The following HMGB1 variants were observed in gnomAD, a reference collection of about 807,000 sequenced individuals.
HMGB1 encodes the protein high mobility group protein B1.
For missense variants in HMGB1, 79 were observed against 253.5 expected, an observed-to-expected ratio of 0.31 and a Z score of 4.67; for synonymous variants, 81 against 84.0, an observed-to-expected ratio of 0.96 and a Z score of 0.19.
chr13:30,462,243 T>C (rs1593253553), intron 4 of HMGB1: 2 of 413,612 alleles, frequency 4.8e-6, no homozygotes, highest in East Asian at 1.1e-4. Context: ...GCCAAGCCAT[T>C]TGAAAATGCT....
rs528140441 is a variant in HMGB1 at position 30,541,231 on chromosome 13, T to C, written c.-15+75440A>G. Among the ~76,000 whole-genome samples the C allele has an allele frequency of 2.0e-5, 3 of 152,284 alleles. No individual in the cohort carries two copies. In the East Asian group the frequency reaches 5.8e-4, roughly 29 times the overall value. On this transcript the variant is annotated intron_variant, in intron 1 of 4. Transcript: ENST00000405805. ...CTCAGAGCTAGTGTGTGGTGGCACA[T>C]GCCTGTAATCCCAGTTACTTGGGAG...
At chr13:30,495,724 C>T (rs1445434925) in intron 1 of HMGB1, among the ~76,000 whole-genome samples, 3 of 152,198 alleles carry the variant, frequency 2.0e-5, no homozygotes, top group East Asian at 1.9e-4. Context: ...GTGATCCGCC[C>T]GCGTTGGCCT....
At chr13:30,614,947 T>C (rs190925860) in intron 1 of HMGB1, among the ~76,000 whole-genome samples, 56 of 151,612 alleles carry the variant, frequency 3.7e-4, no homozygotes, top group African/African-American at 1.3e-3. Context: ...CCTGACCTCG[T>C]GATCCACCCA....
At chr13:30,558,605 T>C (rs970080540) in intron 1 of HMGB1, among the ~76,000 whole-genome samples, 10 of 152,186 alleles carry the variant, frequency 6.6e-5, no homozygotes, top group African/African-American at 2.2e-4. Flanking sequence ...TAGTTGTTAG[T>C]GAAACACCAA....
chr13:30,578,657 C>T (rs1430061751), intron 1 of HMGB1, among the ~76,000 whole-genome samples: 1 of 152,098 alleles, frequency 6.6e-6, no homozygotes, highest in Admixed American at 6.5e-5. Flanking sequence ...AGATTCGGAA[C>T]CTCTCTGGGC....
chr13:30,503,778 G>C (rs1404783145), intron 1 of HMGB1, among the ~76,000 whole-genome samples: 3 of 151,818 alleles, frequency 2.0e-5, no homozygotes, highest in Non-Finnish European at 4.4e-5. Context: ...GCAGGGCTGG[G>C]TGATACCGTA....
rs150039780 is a variant in HMGB1, at chr13:30,472,375, C to T, written c.-14-8681G>A. 4.4e-3 allele frequency among the ~76,000 whole-genome samples: 667 copies of T among 151,766 alleles called. 7 individuals carry two copies. Among genetic ancestry groups the T allele is most frequent in the African/African-American group, 0.015 (623 of 41,392 alleles). ...CAGCACTTTGGGAGGCCGAGGCAGG[C>T]GGATAACTTAAGGTCAGGGGTTTGA... On this transcript the variant is annotated intron_variant, in intron 1 of 4. Transcript: ENST00000405805.
Position 30,576,165 on chromosome 13 carries a change from AT to A in HMGB1, c.-15+40505del, listed in dbSNP as rs546197680. On this transcript the variant is annotated intron_variant, in intron 1 of 4. Coordinates refer to the HMGB1 transcript ENST00000405805. ...AATGCTTCTTTCTCCATTTAGTGTA[AT>A]TTTTTTTATAACATAGACCCAATTT... Among the ~76,000 whole-genome samples, 12 of 152,016 alleles carry A rather than the reference AT, an allele frequency of 7.9e-5. No homozygotes were observed. In the East Asian group the frequency reaches 2.1e-3, roughly 27 times the overall value.
Position 30,457,563 on chromosome 13 carries a change from T to C in HMGB1, c.*3794A>G, listed in dbSNP as rs1380158545. The C allele has an allele frequency of 6.6e-6, 1 of 152,100 alleles. No individual in the cohort carries two copies. The highest frequency in any genetic ancestry group is 2.4e-5 in the African/African-American group (1 of 41,416). The allele number at this position is 152,100 out of a possible 1,614,324, so 9.4% of individuals were successfully genotyped here. A position where few individuals can be genotyped will look rare whatever the true frequency, so the allele number is the denominator to read the frequency against. ...TTCTATGTAATCTCTCATGTCAAAA[T>C]AAGTAAAAATTCCACTAATTAGAAG... On this transcript the variant is annotated 3_prime_UTR_variant, in exon 5 of 5. Transcript: ENST00000341423.
At chr13:30,602,611 T>A (rs1950414012) in intron 1 of HMGB1, among the ~76,000 whole-genome samples, 1 of 152,224 alleles carries the variant, frequency 6.6e-6, no homozygotes, top group Non-Finnish European at 1.5e-5. Context: ...TAAAATAACC[T>A]TAGAATTTAT....
chr13:30,570,137 G>A (rs34335175), intron 1 of HMGB1, among the ~76,000 whole-genome samples: 2,220 of 152,326 alleles, frequency 0.015, 27 homozygotes, highest in Middle Eastern at 0.031. Context: ...AAAGAAGTCT[G>A]AGGCATTGCC....
chr13:30,466,110 A>G, upstream of HMGB1: 1 of 222,800 alleles, frequency 4.5e-6, no homozygotes, highest in Non-Finnish European at 7.6e-6. Context: ...TGCCGGGCAA[A>G]GAGGCTGAGG....
intron 1 of HMGB1, among the ~76,000 whole-genome samples, chr13:30,523,801 T>C (rs755895012): frequency 7.3e-5 from 11 of 151,426 alleles, no homozygotes; most frequent in Non-Finnish European, 1.5e-4. Context: ...AGTGCAGTGG[T>C]GCCATCTTGG....
At chr13:30,536,208 A>G (rs1022402689) in intron 1 of HMGB1, among the ~76,000 whole-genome samples, 2 of 152,208 alleles carry the variant, frequency 1.3e-5, no homozygotes, top group African/African-American at 4.8e-5. Context: ...TTCTCCTCAT[A>G]GTGTTTTTAA....
At position 30,460,800 on chromosome 13, in the gene HMGB1, C is replaced by T. The variant is rs1886273896; in HGVS notation, c.*557G>A. The T allele has an allele frequency of 6.5e-6, 1 of 153,264 alleles. No individual in the cohort carries two copies. The highest frequency in any genetic ancestry group is 1.5e-5 in the Non-Finnish European group (1 of 68,720). The allele number at this position is 153,264 out of a possible 1,614,324, so 9.5% of individuals were successfully genotyped here. A position where few individuals can be genotyped will look rare whatever the true frequency, so the allele number is the denominator to read the frequency against. On this transcript the variant is annotated 3_prime_UTR_variant, in exon 5 of 5. Coordinates refer to ENST00000341423, the MANE Select transcript of HMGB1 (RefSeq NM_002128.7). ...AGCTAACTATATGAAAGGATAAACACTGTAATAATTCATGTGATTCAAAAT... is the reference window on the plus strand; with the variant it reads ...AGCTAACTATATGAAAGGATAAACATTGTAATAATTCATGTGATTCAAAAT...
intron 1 of HMGB1, among the ~76,000 whole-genome samples, chr13:30,475,582 C>G (rs576735933): frequency 4.5e-4 from 68 of 149,470 alleles, no homozygotes; most frequent in Non-Finnish European, 8.4e-4. Context: ...TGTAGTTCCA[C>G]CTACTCACTC....
chr13:30,491,408 G>GTAGTCATATGGAAAAAGAAA (rs1887488994), intron 1 of HMGB1, among the ~76,000 whole-genome samples: 1 of 152,164 alleles, frequency 6.6e-6, no homozygotes, highest in African/African-American at 2.4e-5. Context: ...TTGAGGCTGG[G>GTAGTCATATGGAAAAAGAAA]CACGGTGGCT....
At chr13:30,523,564 C>A (rs1888286589) in intron 1 of HMGB1, among the ~76,000 whole-genome samples, 1 of 151,892 alleles carries the variant, frequency 6.6e-6, no homozygotes, top group Non-Finnish European at 1.5e-5. Flanking sequence ...TGTTACCACT[C>A]TTTGTACAAC....
intron 1 of HMGB1, among the ~76,000 whole-genome samples, chr13:30,601,925 C>G (rs1336231066): frequency 6.6e-6 from 1 of 152,080 alleles, no homozygotes; most frequent in East Asian, 1.9e-4. Flanking sequence ...CTTAAGAGAC[C>G]TGCAGTTTTT....
Sources: gnomAD v4.1 joint callset for allele counts (sites outside exome capture counted in the v4.1 genomes callset) on GRCh38, gnomAD v4.1.1 for gene constraint, MANE v1.5 for transcripts, NCBI Gene and HGNC (gene_info 2026-07-23, HGNC 2026-07-21) for gene names.